Variants in MAST3 observed in about 807,000 individuals in gnomAD.
MAST3 encodes the protein microtubule associated serine/threonine kinase 3.
A neutral mutation model predicts 127.0 loss-of-function variants in MAST3; 43 were observed. The ratio of observed to expected loss-of-function variants is 0.34; its 90% CI spans 0.27 to 0.44. MAST3 has a LOEUF of 0.44. MAST3 is among the 20% of genes least tolerant of loss of function. MAST3 has a pLI of 1.00. For synonymous variants in MAST3, 785 were observed against 809.2 expected, an observed-to-expected ratio of 0.97 and a Z score of 0.51; for missense variants, 1,390 against 1,919.1, an observed-to-expected ratio of 0.72 and a Z score of 5.15.
intron 3 of MAST3, among the ~76,000 whole-genome samples, chr19:18,116,171 G>A (rs1384236591): frequency 1.5e-5 from 2 of 129,764 alleles, no homozygotes; most frequent in East Asian, 4.9e-4. Context: ...TCGGCCCACT[G>A]CAACCTCCAC....
rs187158420 is a variant in MAST3 at position 18,098,479 on chromosome 19, C to T, written c.39+648C>T. Among the ~76,000 whole-genome samples the T allele has an allele frequency of 3.0e-3, 452 of 151,950 alleles. 2 individuals carry two copies. The highest frequency in any genetic ancestry group is 9.4e-3 in the African/African-American group (391 of 41,418). ...CTCTGGGCCTCAGTTTTCCAATGAG[C>T]CATAGGGTCCTCCTTTTACTGAGTT... On this transcript the variant is annotated intron_variant, in intron 1 of 27. Coordinates refer to ENST00000687212, the MANE Select transcript of MAST3 (RefSeq NM_001393504.1).
Position 18,112,124 on chromosome 19 carries a change from T to G in MAST3, c.161+1383T>G, listed in dbSNP as rs976339072. ...AAGATTGGCACCAGGCAGTGGGTACTGCATGTGCAAAGGTCCTGTGGCAGG... is the reference window on the plus strand; with the variant it reads ...AAGATTGGCACCAGGCAGTGGGTACGGCATGTGCAAAGGTCCTGTGGCAGG... On this transcript the variant is annotated intron_variant, in intron 3 of 27. Coordinates refer to ENST00000687212, the MANE Select transcript of MAST3 (RefSeq NM_001393504.1). The surrounding 1 kb of genome is among the most constrained non-coding windows in gnomAD (Gnocchi z 4.1). Among the ~76,000 whole-genome samples the G allele has an allele frequency of 1.3e-5, 2 of 152,246 alleles. No individual in the cohort carries two copies. The highest frequency in any genetic ancestry group is 3.8e-4 in the East Asian group (2 of 5,200).
chr19:18,134,732 G>A (rs759799347), intron 16 of MAST3, 21 bp downstream of exon 16: 6 of 1,612,942 alleles, frequency 3.7e-6, no homozygotes, highest in Non-Finnish European at 5.1e-6. Flanking sequence ...AGGTGGGTGG[G>A]CAGCCCCGGG....
intron 3 of MAST3, among the ~76,000 whole-genome samples, chr19:18,115,365 G>A (rs1266856414): frequency 6.6e-6 from 1 of 152,014 alleles, no homozygotes; most frequent in Non-Finnish European, 1.5e-5. Context: ...GGGTGTGTAG[G>A]TGTTACTGGG....
intron 3 of MAST3, among the ~76,000 whole-genome samples, chr19:18,111,913 T>TA (rs2038695291): frequency 6.6e-6 from 1 of 152,214 alleles, no homozygotes; most frequent in Non-Finnish European, 1.5e-5. Flanking sequence ...GCCAAGCACT[T>TA]ATGAGGCACC....
At chr19:18,120,603 C>A (rs780097399) in intron 3 of MAST3, among the ~76,000 whole-genome samples, 1 of 152,244 alleles carries the variant, frequency 6.6e-6, no homozygotes, top group Non-Finnish European at 1.5e-5. Flanking sequence ...ATGGCACTAT[C>A]TCAGCCCACT....
At chr19:18,113,038 G>A (rs1429758834) in intron 3 of MAST3, among the ~76,000 whole-genome samples, 1 of 152,180 alleles carries the variant, frequency 6.6e-6, no homozygotes, top group Non-Finnish European at 1.5e-5. Context: ...CCCAGGTGAG[G>A]ACATGATGAA....
intron 20 of MAST3, among the ~76,000 whole-genome samples, chr19:18,139,432 C>A (rs2042213506): frequency 6.6e-6 from 1 of 152,184 alleles, no homozygotes; most frequent in African/African-American, 2.4e-5. Context: ...TCAAGCGATT[C>A]TCCTGCCTCA....
At chr19:18,142,040 C>A in intron 21 of MAST3, 25 bp downstream of exon 21, 1 of 1,420,324 alleles carries the variant, frequency 7.0e-7, no homozygotes, top group Non-Finnish European at 9.3e-7. Flanking sequence ...GAAGTGTAGG[C>A]AGATCCAGCT....
intron 5 of MAST3, 69 bp downstream of exon 5, chr19:18,121,991 C>G: frequency 1.3e-6 from 2 of 1,580,510 alleles, no homozygotes; most frequent in Admixed American, 1.8e-5. Flanking sequence ...GGCACGTGCT[C>G]GGTGGCTAGA....
intron 13 of MAST3, among the ~76,000 whole-genome samples, chr19:18,130,246 A>G (rs1224497795): frequency 6.6e-6 from 1 of 152,158 alleles, no homozygotes; most frequent in Non-Finnish European, 1.5e-5. Context: ...AAAATAAAAG[A>G]AACATACAAC....
intron 3 of MAST3, among the ~76,000 whole-genome samples, chr19:18,115,701 C>A (rs371122153): frequency 2.6e-5 from 4 of 152,180 alleles, no homozygotes; most frequent in African/African-American, 9.7e-5. Context: ...CGTCCCAGAC[C>A]CTTACTGGCC....
In MAST3 at chr19:18,144,917, G is replaced by C. The variant is rs1167291235; in HGVS notation, c.2813-86G>C. 1 of 886,690 alleles carries C rather than the reference G, an allele frequency of 1.1e-6. No individual in the cohort carries two copies. Among genetic ancestry groups the C allele is most frequent in the East Asian group, 2.6e-5 (1 of 38,108 alleles). 54.9% of individuals were successfully genotyped at this position (886,690 alleles called of 1,614,324 possible). ...GGGACATTGAAGCAACAGCAAAGTG[G>C]CCAGGGTGGTCGTTGTGGTGGGAAA... On this transcript the variant is annotated intron_variant, in intron 23 of 27. Transcript: ENST00000687212. This position sits in a 1 kb window ranked among gnomAD's most constrained non-coding sequence, Gnocchi z 4.0.
chr19:18,113,429 A>G (rs747721522), intron 3 of MAST3, among the ~76,000 whole-genome samples: 25 of 151,956 alleles, frequency 1.6e-4, no homozygotes, highest in Non-Finnish European at 2.5e-4. Flanking sequence ...GATTACAGGC[A>G]TGCACCACTA....
chr19:18,144,756 G>A lies in MAST3; in HGVS notation c.2812+63G>A, dbSNP rs2042859232. On this transcript the variant is annotated intron_variant, in intron 23 of 27. Coordinates refer to ENST00000687212, the MANE Select transcript of MAST3 (RefSeq NM_001393504.1). This position sits in a 1 kb window ranked among gnomAD's most constrained non-coding sequence, Gnocchi z 4.0. Reference sequence around the variant, plus strand: ...ACCCATTTTCACCAACAGGGTGGGGGCCCTTCCTGAGTTGGGGAGGCTGGG... The same window carrying A: ...ACCCATTTTCACCAACAGGGTGGGGACCCTTCCTGAGTTGGGGAGGCTGGG... The A allele has an allele frequency of 1.9e-6, 3 of 1,560,140 alleles. No individual in the cohort carries two copies. The highest frequency in any genetic ancestry group is 1.1e-5 in the South Asian group (1 of 90,004).
At chr19:18,122,878 A>G (rs945064720) in intron 6 of MAST3, 127 bp downstream of exon 6, 1 of 1,018,620 alleles carries the variant, frequency 9.8e-7, no homozygotes, top group Admixed American at 2.0e-5. Flanking sequence ...TACTTCCTCC[A>G]TGCACGCCCC....
Position 18,117,913 on chromosome 19 carries a change from C to T in MAST3, c.162-3772C>T, listed in dbSNP as rs879890589. On this transcript the variant is annotated intron_variant, in intron 3 of 27. Coordinates refer to ENST00000687212, the MANE Select transcript of MAST3 (RefSeq NM_001393504.1). Reference sequence around the variant, plus strand: ...CCGCCCACTCGCCGGCACGCGGGTCCGCCGGCCTCGCTTCCGCGTCGCTCG... The same window carrying T: ...CCGCCCACTCGCCGGCACGCGGGTCTGCCGGCCTCGCTTCCGCGTCGCTCG... 177 of 159,388 alleles carry T rather than the reference C, an allele frequency of 1.1e-3. 1 individual carries two copies. Among genetic ancestry groups the T allele is most frequent in the Non-Finnish European group, 2.0e-3 (151 of 75,002 alleles). The allele number at this position is 159,388 out of a possible 1,614,324, so 9.9% of individuals were successfully genotyped here. A position where few individuals can be genotyped will look rare whatever the true frequency, so the allele number is the denominator to read the frequency against.
intron 20 of MAST3, among the ~76,000 whole-genome samples, chr19:18,141,353 G>A (rs1399543097): frequency 6.7e-6 from 1 of 150,142 alleles, no homozygotes; most frequent in Non-Finnish European, 1.5e-5. Flanking sequence ...TGGTACATAG[G>A]AATCACTGGA....
Position 18,145,948 on chromosome 19 carries a change from CA to C in MAST3, c.3162+84del. 1 of 1,455,000 alleles carries C rather than the reference CA, an allele frequency of 6.9e-7. No homozygotes were observed. Among genetic ancestry groups the C allele is most frequent in the South Asian group, 1.4e-5 (1 of 73,910 alleles). 90.1% of individuals were successfully genotyped at this position (1,455,000 alleles called of 1,614,324 possible). Reference sequence around the variant, plus strand: ...CCGGTTCCCCGTGGTTCTCCGCGTCCAGACACACAACCCCACATTCAATGTC... The same window carrying C: ...CCGGTTCCCCGTGGTTCTCCGCGTCCGACACACAACCCCACATTCAATGTC... On this transcript the variant is annotated intron_variant, in intron 25 of 27. Coordinates refer to ENST00000687212, the MANE Select transcript of MAST3 (RefSeq NM_001393504.1). The surrounding 1 kb of genome is among the most constrained non-coding windows in gnomAD (Gnocchi z 5.9).
Sources: allele counts gnomAD v4.1 joint callset (sites outside exome capture counted in the v4.1 genomes callset), GRCh38; gene constraint gnomAD v4.1.1; non-coding constraint Gnocchi (gnomAD v3.1); transcripts MANE v1.5; gene names NCBI Gene and HGNC (gene_info 2026-07-23, HGNC 2026-07-21).